The following RBM27 variants were observed in gnomAD, a reference collection of about 807,000 sequenced individuals.
RBM27 encodes the protein RNA binding motif protein 27, also known as RNA-binding protein 27.
A neutral mutation model predicts 135.3 loss-of-function variants in RBM27; 22 were observed. The ratio of observed to expected loss-of-function variants is 0.16; its 90% confidence interval spans 0.12 to 0.23. The LOEUF is 0.23. Among genes scored for constraint, RBM27 ranks in the 10% least tolerant of loss-of-function variants. The probability of loss-of-function intolerance (pLI) is 1.00; values close to 1 mark genes in which losing one functional copy is unlikely to be tolerated. For synonymous variants in RBM27, 481 were observed against 442.4 expected (o/e 1.09, Z -1.10); for missense variants, 1,009 against 1,281.0 (o/e 0.79, Z 3.24).
intron 3 of RBM27, among the ~76,000 whole-genome samples, chr5:146,228,410 T>C (rs1756773511): frequency 6.6e-6 from 1 of 151,054 alleles, no homozygotes; most frequent in Non-Finnish European, 1.5e-5. Context: ...GCCTCCCGAG[T>C]AGCTGGGACT....
At chr5:146,249,629 GTGAGCCCAGATCA>G (rs1223187890) in intron 8 of RBM27, among the ~76,000 whole-genome samples, 5 of 146,666 alleles carry the variant, frequency 3.4e-5, no homozygotes, top group Non-Finnish European at 7.4e-5. Flanking sequence ...AGAGGTCGCC[GTGAGCCCAGATCA>G]TGCTACTGCA....
intron 3 of RBM27, among the ~76,000 whole-genome samples, chr5:146,227,613 C>T (rs1331405686): frequency 2.0e-5 from 3 of 152,072 alleles, no homozygotes; most frequent in Non-Finnish European, 1.5e-5. Context: ...ACTATATATT[C>T]GGTTTGAGAT....
intron 6 of RBM27, among the ~76,000 whole-genome samples, chr5:146,231,356 C>T (rs145621317): frequency 0.092 from 14,012 of 152,182 alleles, 798 homozygotes; most frequent in Non-Finnish European, 0.12. Flanking sequence ...CTGCCTGCCT[C>T]GGCCTCCCAG....
At chr5:146,241,093 A>C (rs149488544) in intron 8 of RBM27, among the ~76,000 whole-genome samples, 46 of 152,324 alleles carry the variant, frequency 3.0e-4, no homozygotes, top group Non-Finnish European at 4.9e-4. Context: ...AGTGTGTTGC[A>C]GATGGCATAT....
intron 9 of RBM27, among the ~76,000 whole-genome samples, chr5:146,252,259 C>T (rs1245320449): frequency 2.0e-5 from 3 of 152,182 alleles, no homozygotes; most frequent in Non-Finnish European, 4.4e-5. Context: ...CATCTGGTTT[C>T]TTGCCGATCA....
intron 13 of RBM27, among the ~76,000 whole-genome samples, chr5:146,262,737 A>G (rs896580839): frequency 2.3e-4 from 35 of 152,226 alleles, no homozygotes; most frequent in Admixed American, 2.2e-3. Context: ...AGTGTAGAAA[A>G]GAGTTCATAC....
intron 13 of RBM27, among the ~76,000 whole-genome samples, chr5:146,262,253 C>T: frequency 6.6e-6 from 1 of 151,632 alleles, no homozygotes; most frequent in African/African-American, 2.4e-5. Flanking sequence ...GTATAATAAC[C>T]ATCTACCACA....
intron 19 of RBM27, among the ~76,000 whole-genome samples, chr5:146,282,744 C>T (rs1759415750): frequency 6.6e-6 from 1 of 152,164 alleles, no homozygotes; most frequent in African/African-American, 2.4e-5. Context: ...CCCAGAAACA[C>T]CAAGTGATGA....
chr5:146,263,211 G>A (rs1235142267), intron 13 of RBM27, among the ~76,000 whole-genome samples: 2 of 152,102 alleles, frequency 1.3e-5, no homozygotes, highest in Non-Finnish European at 1.5e-5. Context: ...TCAGAGCATT[G>A]CATACTAGAG....
chr5:146,203,835 C>G lies in RBM27; in HGVS notation c.59+11C>G. 1 of 1,250,354 alleles carries G rather than the reference C, an allele frequency of 8.0e-7. No homozygotes were observed. Among genetic ancestry groups the G allele is most frequent in the Non-Finnish European group, 1.0e-6 (1 of 965,990 alleles). The allele number at this position is 1,250,354 out of a possible 1,614,324, so 77.5% of individuals were successfully genotyped here. A position where few individuals can be genotyped will look rare whatever the true frequency, so the allele number is the denominator to read the frequency against. On this transcript the variant is annotated intron_variant, in intron 1 of 20. Transcript: ENST00000265271. ...GTTACTGGAGCCGATGTGAGTGAGC[C>G]GGGCTGGGCCGGGGCCGGCGAACGT...
chr5:146,231,487 AT>A (rs1350049946), intron 6 of RBM27, among the ~76,000 whole-genome samples: 2 of 152,046 alleles, frequency 1.3e-5, no homozygotes, highest in Non-Finnish European at 2.9e-5. Flanking sequence ...TTAAGAGAAT[AT>A]TTAAATTTTA....
At chr5:146,264,369 G>A (rs1249740769) in intron 14 of RBM27, among the ~76,000 whole-genome samples, 1 of 151,966 alleles carries the variant, frequency 6.6e-6, no homozygotes, top group African/African-American at 2.4e-5. Flanking sequence ...TTTTAGTGGA[G>A]ATGGGGTTTC....
At chr5:146,229,263 G>T (rs62372764) in intron 4 of RBM27, among the ~76,000 whole-genome samples, 16,391 of 152,006 alleles carry the variant, frequency 0.11, 1,152 homozygotes, top group Middle Eastern at 0.2. Context: ...AAGAGCTCAG[G>T]GGTGGGAGCA....
intron 19 of RBM27, among the ~76,000 whole-genome samples, chr5:146,274,281 C>A (rs1407311226): frequency 6.8e-6 from 1 of 147,270 alleles, no homozygotes; most frequent in Non-Finnish European, 1.5e-5. Flanking sequence ...TTTTTTGTGA[C>A]AGTCTCCATC....
At chr5:146,269,742 CTT>C (rs34783557) in intron 17 of RBM27, among the ~76,000 whole-genome samples, 158 bp downstream of exon 17, 57 of 118,920 alleles carry the variant, frequency 4.8e-4, no homozygotes, top group Middle Eastern at 4.8e-3. Context: ...ATTATAGTAC[CTT>C]TTTTTTTTTT....
intron 1 of RBM27, among the ~76,000 whole-genome samples, chr5:146,218,057 C>G (rs1756289785): frequency 6.6e-6 from 1 of 152,132 alleles, no homozygotes; most frequent in African/African-American, 2.4e-5. Flanking sequence ...TGCACCCAGC[C>G]TGAATGTTTT....
intron 19 of RBM27, among the ~76,000 whole-genome samples, chr5:146,281,412 G>A (rs1021975530): frequency 1.3e-5 from 2 of 152,176 alleles, no homozygotes; most frequent in Non-Finnish European, 2.9e-5. Context: ...CAAAGTTTGT[G>A]TTGATTAGCT....
chr5:146,254,889 T>A, intron 9 of RBM27, 54 bp from the exon 10 acceptor site: 1 of 1,369,028 alleles, frequency 7.3e-7, no homozygotes, highest in Non-Finnish European at 9.9e-7. Flanking sequence ...CAATGAGAGA[T>A]GGTTTAACCT....
intron 19 of RBM27, among the ~76,000 whole-genome samples, chr5:146,283,249 G>A (rs1349203700): frequency 6.6e-6 from 1 of 152,132 alleles, no homozygotes; most frequent in Non-Finnish European, 1.5e-5. Flanking sequence ...TTAAAAGATG[G>A]TAAATATAGA....
Sources: allele counts gnomAD v4.1 joint callset (sites outside exome capture counted in the v4.1 genomes callset), GRCh38; gene constraint gnomAD v4.1.1; transcripts MANE v1.5; gene names NCBI Gene and HGNC (gene_info 2026-07-23, HGNC 2026-07-21).